The following UPP2 variants were observed in gnomAD, a reference collection of about 807,000 sequenced individuals.
UPP2 encodes the protein uridine phosphorylase 2, also known as UPase 2.
In UPP2, 23 loss-of-function variants were observed where a neutral mutation model predicts 26.7. That is an observed-to-expected ratio of 0.86 (90% CI 0.62 to 1.22). The LOEUF (loss-of-function observed/expected upper bound fraction) is 1.22, where lower values mean the gene tolerates loss of function less well. Among genes scored for constraint, UPP2 ranks in the 50% most tolerant of loss-of-function variants. The pLI is 0.00. For synonymous variants in UPP2, 127 were observed against 141.3 expected (o/e 0.90, Z 0.72); for missense variants, 387 against 396.7 (o/e 0.98, Z 0.21).
rs1288867423 is a variant in UPP2, at chr2:158,079,262, T to C, written c.148-22778T>C. Reference sequence around the variant, plus strand: ...ACACATACCCCATAATATATACACATACTATGTACTCACAAAAATTAAAAA... The same window carrying C: ...ACACATACCCCATAATATATACACACACTATGTACTCACAAAAATTAAAAA... On this transcript the variant is annotated intron_variant, in intron 3 of 9. Coordinates refer to the UPP2 transcript ENST00000605860. Among the ~76,000 whole-genome samples, 4 of 152,158 alleles carry C rather than the reference T, an allele frequency of 2.6e-5. No individual in the cohort carries two copies. The East Asian group carries it at 7.7e-4, about 29-fold the overall frequency.
At chr2:158,080,485 C>G (rs1682705668) in intron 3 of UPP2, among the ~76,000 whole-genome samples, 1 of 152,136 alleles carries the variant, frequency 6.6e-6, no homozygotes. Flanking sequence ...GCTTCCACAG[C>G]CAAGAGAATG....
chr2:158,056,303 A>G (rs1351276413), intron 3 of UPP2, among the ~76,000 whole-genome samples: 1 of 152,104 alleles, frequency 6.6e-6, no homozygotes, highest in East Asian at 1.9e-4. Context: ...TTAATATCTT[A>G]TATTACACCA....
intron 3 of UPP2, among the ~76,000 whole-genome samples, chr2:158,083,411 T>A (rs1682759406): frequency 6.6e-6 from 1 of 152,128 alleles, no homozygotes; most frequent in Admixed American, 6.5e-5. Context: ...TGCAGGGACA[T>A]GGATGAAGCT....
At chr2:158,052,438 T>C (rs1372016482) in intron 3 of UPP2, among the ~76,000 whole-genome samples, 1 of 152,236 alleles carries the variant, frequency 6.6e-6, no homozygotes, top group Non-Finnish European at 1.5e-5. Context: ...TATCGAGAGT[T>C]ACTCTTACCT....
At chr2:158,031,402 G>A (rs549962478) in intron 3 of UPP2, among the ~76,000 whole-genome samples, 2 of 152,166 alleles carry the variant, frequency 1.3e-5, no homozygotes, top group African/African-American at 4.8e-5. Flanking sequence ...AAAGGAAATT[G>A]TTTCTTCCTG....
At chr2:158,065,371 C>T (rs946683475) in intron 3 of UPP2, among the ~76,000 whole-genome samples, 13 of 152,178 alleles carry the variant, frequency 8.5e-5, no homozygotes, top group African/African-American at 2.9e-4. Flanking sequence ...GAAGAAGTGT[C>T]GCTTCTTGTT....
intron 2 of UPP2, among the ~76,000 whole-genome samples, chr2:158,108,659 C>G (rs181139106): frequency 6.6e-6 from 1 of 151,796 alleles, no homozygotes; most frequent in African/African-American, 2.4e-5. Context: ...GGTTATAATC[C>G]CAGGAAACAG....
intron 3 of UPP2, among the ~76,000 whole-genome samples, chr2:158,026,113 G>A (rs1683829474): frequency 6.6e-6 from 1 of 152,092 alleles, no homozygotes; most frequent in Admixed American, 6.5e-5. Flanking sequence ...AGGAAATGGT[G>A]GGAAGGGAAA....
At chr2:158,062,799 T>C (rs1682373071) in intron 3 of UPP2, among the ~76,000 whole-genome samples, 1 of 152,212 alleles carries the variant, frequency 6.6e-6, no homozygotes, top group Non-Finnish European at 1.5e-5. Context: ...AGAAACCAGC[T>C]GAACTATAAG....
chr2:158,111,293 C>T (rs1295687402), intron 2 of UPP2, among the ~76,000 whole-genome samples: 5 of 152,098 alleles, frequency 3.3e-5, no homozygotes, highest in African/African-American at 1.2e-4. Context: ...TTTTTATACA[C>T]TTTGAATGTT....
upstream of UPP2, among the ~76,000 whole-genome samples, chr2:158,098,616 C>G (rs920296257): frequency 1.3e-5 from 2 of 152,288 alleles, no homozygotes; most frequent in East Asian, 3.9e-4. Flanking sequence ...GATCCAGGAG[C>G]CCTTCTCTTG....
intron 3 of UPP2, among the ~76,000 whole-genome samples, chr2:158,088,003 G>T (rs1682843841): frequency 6.6e-6 from 1 of 152,106 alleles, no homozygotes; most frequent in Non-Finnish European, 1.5e-5. Flanking sequence ...AATGTTCTTT[G>T]AGGTTCTTGT....
intron 2 of UPP2, among the ~76,000 whole-genome samples, chr2:158,015,462 AC>A (rs1329841551): frequency 1.3e-5 from 2 of 152,178 alleles, no homozygotes; most frequent in African/African-American, 4.8e-5. Context: ...TGTATATGCC[AC>A]ATTTTGTTTA....
intron 3 of UPP2, among the ~76,000 whole-genome samples, chr2:158,087,329 A>G (rs989687568): frequency 2.0e-5 from 3 of 152,058 alleles, no homozygotes; most frequent in Non-Finnish European, 2.9e-5. Flanking sequence ...TTTGATGCTC[A>G]TTTGCATGGA....
intron 3 of UPP2, among the ~76,000 whole-genome samples, chr2:158,060,777 T>G (rs576043454): frequency 6.6e-6 from 1 of 152,296 alleles, no homozygotes; most frequent in African/African-American, 2.4e-5. Context: ...GAGAGCTCAC[T>G]CTCTCCCTGC....
intron 3 of UPP2, among the ~76,000 whole-genome samples, chr2:158,041,362 C>T (rs1684079402): frequency 6.6e-6 from 1 of 152,122 alleles, no homozygotes; most frequent in African/African-American, 2.4e-5. Context: ...CTTAACTTTG[C>T]TGGCAAAATT....
intron 3 of UPP2, among the ~76,000 whole-genome samples, chr2:158,091,021 G>T (rs1199106999): frequency 6.6e-6 from 1 of 152,180 alleles, no homozygotes; most frequent in Non-Finnish European, 1.5e-5. Flanking sequence ...TTGTCTCTGT[G>T]GCACGTGGGT....
At chr2:158,089,376 G>A (rs2105200940) in intron 3 of UPP2, among the ~76,000 whole-genome samples, 1 of 152,234 alleles carries the variant, frequency 6.6e-6, no homozygotes, top group African/African-American at 2.4e-5. Flanking sequence ...GGGTAAGCAG[G>A]GCTGAGAACT....
chr2:158,024,516 C>G (rs1574250649), intron 3 of UPP2, among the ~76,000 whole-genome samples: 1 of 152,324 alleles, frequency 6.6e-6, no homozygotes, highest in East Asian at 1.9e-4. Flanking sequence ...CCTTCGGCGT[C>G]AATTTGAAGA....
Sources: allele counts gnomAD v4.1 joint callset (sites outside exome capture counted in the v4.1 genomes callset), GRCh38; gene constraint gnomAD v4.1.1; transcripts MANE v1.5; gene names NCBI Gene and HGNC (gene_info 2026-07-23, HGNC 2026-07-21).